Variants in TOR1AIP1 observed in about 807,000 individuals in gnomAD.
The protein encoded by TOR1AIP1 is torsin-1A-interacting protein 1.
TOR1AIP1 carries 54 observed loss-of-function variants against 63.3 expected under a neutral mutation model. The ratio of observed to expected loss-of-function variants is 0.85; its 90% CI spans 0.69 to 1.07. The LOEUF (loss-of-function observed/expected upper bound fraction) is 1.07, where lower values mean the gene tolerates loss of function less well. Among genes scored for constraint, TOR1AIP1 ranks in the 50% least tolerant of loss-of-function variants. The pLI is 0.00. For missense variants in TOR1AIP1, 736 were observed against 715.0 expected (o/e 1.03, Z -0.33); for synonymous variants, 294 against 273.5 (o/e 1.07, Z -0.74).
At position 179,884,704 on chromosome 1, in the gene TOR1AIP1, C is replaced by T. The variant is rs377560218; in HGVS notation, c.488C>T (p.Ser163Phe). 5.0e-6 allele frequency: 8 copies of T among 1,610,238 alleles called. No individual in the cohort carries two copies. Among genetic ancestry groups the T allele is most frequent in the Admixed American group, 1.7e-5 (1 of 59,138 alleles). Reference sequence around the variant, plus strand: ...GTCTGTTTTTTAGAGGATGAAGCATCTTCCCAAACTGATTTAAGCCAAACG... The same window carrying T: ...GTCTGTTTTTTAGAGGATGAAGCATTTTCCCAAACTGATTTAAGCCAAACG... ...DSHSSEEDEA[S>F]SQTDLSQTIS... Residue 163 changes from serine to phenylalanine, a missense_variant, in exon 2 of 10, where the codon TCT (serine) becomes TTT (phenylalanine). Ser to Phe is a radical substitution (Grantham distance 155, BLOSUM62 -2). This residue lies in a region of TOR1AIP1 where 464 missense variants were observed against 371.0 expected (regional missense o/e 1.25). Transcript: ENST00000606911.
chr1:179,885,693 T>G (rs1352048665), intron 2 of TOR1AIP1, among the ~76,000 whole-genome samples: 1 of 152,220 alleles, frequency 6.6e-6, no homozygotes, highest in Non-Finnish European at 1.5e-5. Flanking sequence ...AATAAGTATG[T>G]CTGGTTCAAG....
chr1:179,919,932 T>G lies in TOR1AIP1; in HGVS notation c.*1693T>G, dbSNP rs1258226751. 3 of 152,252 alleles carry G rather than the reference T, an allele frequency of 2.0e-5. No homozygotes were observed. Among genetic ancestry groups the G allele is most frequent in the African/African-American group, 4.8e-5 (2 of 41,470 alleles). 9.4% of individuals were successfully genotyped at this position (152,252 alleles called of 1,614,324 possible). On this transcript the variant is annotated 3_prime_UTR_variant, in exon 10 of 10. Coordinates refer to ENST00000606911, the MANE Select transcript of TOR1AIP1 (RefSeq NM_015602.4). ...TTATATAGAGAAACAAATGTTTTTA[T>G]TAAATGTTTCATTGACCCAAGTAAT... is the stretch of plus-strand genomic sequence containing the variant.
intron 1 of TOR1AIP1, 52 bp downstream of exon 1, chr1:179,883,029 G>A (rs2148469021): frequency 6.5e-7 from 1 of 1,538,478 alleles, no homozygotes; most frequent in Middle Eastern, 1.7e-4. Flanking sequence ...AACGCGCGGG[G>A]GCGGGCGCGC....
chr1:179,884,380 T>C (rs1373646336), intron 1 of TOR1AIP1, among the ~76,000 whole-genome samples: 1 of 152,202 alleles, frequency 6.6e-6, no homozygotes, highest in East Asian at 1.9e-4. Context: ...GATCTAAACA[T>C]TTTTCACTCT....
chr1:179,894,003 C>T (rs192173951), intron 3 of TOR1AIP1, among the ~76,000 whole-genome samples: 2 of 152,244 alleles, frequency 1.3e-5, no homozygotes, highest in East Asian at 3.9e-4. Flanking sequence ...GTGGCTCACA[C>T]CTGTAATCCC....
At chr1:179,908,401 T>C (rs1157153149) in intron 7 of TOR1AIP1, among the ~76,000 whole-genome samples, 1 of 152,262 alleles carries the variant, frequency 6.6e-6, no homozygotes, top group African/African-American at 2.4e-5. Flanking sequence ...TATATTTATT[T>C]GCTACCTGCT....
intron 6 of TOR1AIP1, among the ~76,000 whole-genome samples, chr1:179,906,537 C>T (rs1468263906): frequency 1.3e-5 from 2 of 152,058 alleles, no homozygotes; most frequent in African/African-American, 4.8e-5. Context: ...TTACAGTTAT[C>T]CTTAAATACC....
intron 3 of TOR1AIP1, among the ~76,000 whole-genome samples, chr1:179,899,259 ATTT>A (rs11332159): frequency 6.7e-6 from 1 of 148,320 alleles, no homozygotes; most frequent in Non-Finnish European, 1.5e-5. Flanking sequence ...ACATCTCACT[ATTT>A]TTTTTTTTTT....
intron 3 of TOR1AIP1, among the ~76,000 whole-genome samples, chr1:179,892,347 A>AC (rs71118412): frequency 0.93 from 141,872 of 152,146 alleles, 66,244 homozygotes; most frequent in Middle Eastern, 0.97. Flanking sequence ...GGTGCTGTGC[A>AC]CTGTAACCCC....
rs1056522784 is a variant in TOR1AIP1, at chr1:179,913,578, C to T, written c.908-420C>T. 5 of 702,288 alleles carry T rather than the reference C, an allele frequency of 7.1e-6. No homozygotes were observed. The African/African-American group carries it at 8.7e-5, about 12-fold the overall frequency. 43.5% of individuals were successfully genotyped at this position (702,288 alleles called of 1,614,324 possible). On this transcript the variant is annotated intron_variant, in intron 8 of 9. Coordinates refer to ENST00000606911, the MANE Select transcript of TOR1AIP1 (RefSeq NM_015602.4). ...CACATTTTGTCCTTATTTTCCCCCT[C>T]TTTACAGCATCTTCACCAGGCAAGA...
At chr1:179,894,170 G>A (rs1352879148) in intron 3 of TOR1AIP1, among the ~76,000 whole-genome samples, 5 of 149,878 alleles carry the variant, frequency 3.3e-5, no homozygotes, top group African/African-American at 1.2e-4. Flanking sequence ...AGAATGGCGT[G>A]AACCCGGAAG....
chr1:179,907,593 T>TTATATA lies in TOR1AIP1; in HGVS notation c.797-210_797-205dup, dbSNP rs55752745. ...AGGGGGAAAGAAATACACACACACT[T>TTATATA]TATATATATATATATATATATATAT... On this transcript the variant is annotated intron_variant, in intron 6 of 9. Transcript: ENST00000606911. Among the ~76,000 whole-genome samples, 352 of 63,178 alleles carry TTATATA rather than the reference T, an allele frequency of 5.6e-3. 1 individual carries two copies. Among genetic ancestry groups the TTATATA allele is most frequent in the African/African-American group, 0.017 (329 of 19,866 alleles). 41.4% of individuals were successfully genotyped at this position (63,178 alleles called of 152,430 possible). A position where few individuals can be genotyped will look rare whatever the true frequency, so the allele number is the denominator to read the frequency against.
chr1:179,886,239 A>C (rs1446349444), intron 2 of TOR1AIP1, among the ~76,000 whole-genome samples: 1 of 152,206 alleles, frequency 6.6e-6, no homozygotes, highest in Non-Finnish European at 1.5e-5. Flanking sequence ...GTAATTTATA[A>C]AAATTATGGA....
At chr1:179,904,068 A>G (rs895240697) in intron 6 of TOR1AIP1, 46 bp downstream of exon 6, 2 of 1,386,032 alleles carry the variant, frequency 1.4e-6, no homozygotes, top group Non-Finnish European at 1.0e-6. Flanking sequence ...GCTTGGTCAA[A>G]TGATGTTCCT....
intron 2 of TOR1AIP1, among the ~76,000 whole-genome samples, chr1:179,886,491 A>G (rs1647912185): frequency 6.6e-6 from 1 of 152,192 alleles, no homozygotes; most frequent in Non-Finnish European, 1.5e-5. Flanking sequence ...TGCATAACTC[A>G]CAGGGCCTCT....
chr1:179,900,449 A>C (rs771353312), intron 4 of TOR1AIP1: 3 of 231,086 alleles, frequency 1.3e-5, no homozygotes, highest in Non-Finnish European at 2.6e-5. Context: ...AGAGGGGTGA[A>C]TCCATTCAGT....
At chr1:179,888,192 A>G (rs1269289353) in intron 2 of TOR1AIP1, among the ~76,000 whole-genome samples, 1 of 152,244 alleles carries the variant, frequency 6.6e-6, no homozygotes, top group Non-Finnish European at 1.5e-5. Flanking sequence ...TGAAAAGGCT[A>G]GAAGTATAGA....
chr1:179,902,019 CTTTTTTTTTTT>C (rs767712125), intron 5 of TOR1AIP1, among the ~76,000 whole-genome samples: 5 of 98,790 alleles, frequency 5.1e-5, no homozygotes, highest in African/African-American at 7.8e-5. Flanking sequence ...AATTCCAATT[CTTTTTTTTTTT>C]TTTTTTTTTT....
intron 2 of TOR1AIP1, among the ~76,000 whole-genome samples, chr1:179,885,074 C>G (rs528115076): frequency 1.3e-5 from 2 of 152,340 alleles, no homozygotes; most frequent in South Asian, 2.1e-4. Flanking sequence ...CTATCATTCT[C>G]TCATGTCATA....
Sources: gnomAD v4.1 joint callset for allele counts (sites outside exome capture counted in the v4.1 genomes callset) on GRCh38, gnomAD v4.1.1 for gene constraint, gnomAD v4.1.1 regional missense constraint, MANE v1.5 for transcripts, NCBI Gene and HGNC (gene_info 2026-07-23, HGNC 2026-07-21) for gene names.